ADAM33: variants seen among roughly 807,000 people sequenced by gnomAD.
ADAM33 encodes the protein ADAM metallopeptidase domain 33.
ADAM33 carries 103 observed loss-of-function variants against 106.2 expected under a neutral mutation model. That is an observed-to-expected ratio of 0.97 (90% CI 0.83 to 1.14). The LOEUF (loss-of-function observed/expected upper bound fraction) is 1.14, where lower values mean the gene tolerates loss of function less well. Among genes scored for constraint, ADAM33 ranks in the 50% most tolerant of loss-of-function variants. The pLI, the probability that ADAM33 is intolerant of heterozygous loss-of-function variation, is 0.00. For synonymous variants in ADAM33, 483 were observed against 453.0 expected (o/e 1.07, Z -0.84); for missense variants, 1,120 against 1,096.6 (o/e 1.02, Z -0.30).
At chr20:3,678,933 C>A (rs182171217) in intron 2 of ADAM33, among the ~76,000 whole-genome samples, 146 of 152,238 alleles carry the variant, frequency 9.6e-4, no homozygotes, top group African/African-American at 3.3e-3. Flanking sequence ...GCAGAGCGTC[C>A]TGCAGAAGAA....
Position 3,671,729 on chromosome 20 carries a change from A to T in ADAM33, c.1757T>A (p.Leu586His). 1 of 1,584,540 alleles carries T rather than the reference A, an allele frequency of 6.3e-7. No individual in the cohort carries two copies. The highest frequency in any genetic ancestry group is 1.2e-5 in the South Asian group (1 of 86,824). ...LQCQGGKPSL[L>H]APHMVPVDST... Reference sequence around the variant, plus strand: ...GTCCACTGGCACCATGTGCGGTGCGAGCAGGCTGGGCTTTCCACCCTGGCA... The same window carrying T: ...GTCCACTGGCACCATGTGCGGTGCGTGCAGGCTGGGCTTTCCACCCTGGCA... The change falls in exon 16 of 22, where the codon CTC becomes CAC. Residue 586 changes from leucine (L) to histidine (H), a missense_variant. Coordinates refer to ENST00000356518, the MANE Select transcript of ADAM33 (RefSeq NM_025220.5).
At position 3,671,801 on chromosome 20, in the gene ADAM33, G is replaced by T. The variant is rs370328117; in HGVS notation, c.1707-22C>A. ...ATCCCTGGGGAGGAAGTAGAGGGGG[G>T]TCAACAGCTGCAGTACCCCCCTTCC... is the stretch of plus-strand genomic sequence containing the variant. On this transcript the variant is annotated intron_variant, in intron 15 of 21. Coordinates refer to ENST00000356518, the MANE Select transcript of ADAM33 (RefSeq NM_025220.5). 58 of 1,553,390 alleles carry T rather than the reference G, an allele frequency of 3.7e-5. No homozygotes were observed. The African/African-American group carries it at 7.1e-4, about 19-fold the overall frequency.
rs779802653 is a variant in ADAM33, at chr20:3,674,874, A to C, written c.334-25T>G. Reference sequence around the variant, plus strand: ...CCTAGGGAGGAAGGGGCCAGCCCCAAATCTCAGCCAGGGCTGGAGCAAGAG... The same window carrying C: ...CCTAGGGAGGAAGGGGCCAGCCCCACATCTCAGCCAGGGCTGGAGCAAGAG... On this transcript the variant is annotated intron_variant, in intron 4 of 21. Transcript: ENST00000356518. 3.1e-6 allele frequency: 5 copies of C among 1,608,906 alleles called. 1 individual carries two copies. In the Admixed American group the frequency reaches 5.0e-5, roughly 16 times the overall value.
At position 3,672,334 on chromosome 20, in the gene ADAM33, G is replaced by A. The variant is rs186219489; in HGVS notation, c.1402-5C>T. 142 of 1,557,524 alleles carry A rather than the reference G, an allele frequency of 9.1e-5. No individual in the cohort carries two copies. The African/African-American group carries it at 2.3e-3, about 25-fold the overall frequency. ...CAGCGCTCCAGCCGGCTTCAGCTGC[G>A]CAGGTGACGGGTGGTGGGGAAGGCA... On this transcript the variant is annotated splice_region_variant and splice_polypyrimidine_tract_variant and intron_variant, in intron 13 of 21. Transcript: ENST00000356518.
chr20:3,681,427 T>G (rs1388875112), intron 1 of ADAM33, among the ~76,000 whole-genome samples: 1 of 152,168 alleles, frequency 6.6e-6, no homozygotes, highest in Non-Finnish European at 1.5e-5. Context: ...AGGCCACAGC[T>G]AGTTCTGCAG....
At position 3,671,720 on chromosome 20, in the gene ADAM33, T is replaced by TGC. The variant is rs2087546762; in HGVS notation, c.1764_1765dup (p.His589ArgfsTer12). The TGC allele has an allele frequency of 6.3e-7, 1 of 1,586,576 alleles. No individual in the cohort carries two copies. The highest frequency in any genetic ancestry group is 8.6e-7 in the Non-Finnish European group (1 of 1,166,206). Reference sequence around the variant, plus strand: ...AACGGTAGAGTCCACTGGCACCATGTGCGGTGCGAGCAGGCTGGGCTTTCC... The same window carrying TGC: ...AACGGTAGAGTCCACTGGCACCATGTGCGCGGTGCGAGCAGGCTGGGCTTTCC... On this transcript the variant is annotated frameshift_variant, in exon 16 of 22. Transcript: ENST00000356518. LOFTEE classifies it high-confidence loss of function.
Position 3,675,666 on chromosome 20 carries a change from C to T in ADAM33, c.255-561G>A, listed in dbSNP as rs1396315984. Among the ~76,000 whole-genome samples, 2 of 152,166 alleles carry T rather than the reference C, an allele frequency of 1.3e-5. No individual in the cohort carries two copies. The highest frequency in any genetic ancestry group is 4.8e-5 in the African/African-American group (2 of 41,420). ...CCTGCCTCCAGAGAAAACAGAATCG[C>T]CACCTGCCCACGCTGCTTCCACCCT... On this transcript the variant is annotated intron_variant, in intron 3 of 21. Coordinates refer to ENST00000356518, the MANE Select transcript of ADAM33 (RefSeq NM_025220.5). This position sits in a 1 kb window ranked among gnomAD's most constrained non-coding sequence, Gnocchi z 4.1.
intron 1 of ADAM33, 109 bp downstream of exon 1, chr20:3,681,799 G>T: frequency 2.1e-6 from 3 of 1,430,482 alleles, no homozygotes; most frequent in Non-Finnish European, 2.7e-6. Context: ...TATGGTGCCG[G>T]GGCCGTGAGA....
At chr20:3,681,616 G>GCTGGGGT (rs1248645564) in intron 1 of ADAM33, among the ~76,000 whole-genome samples, 2 of 152,082 alleles carry the variant, frequency 1.3e-5, no homozygotes, top group Non-Finnish European at 2.9e-5. Context: ...TGGGCTGGGG[G>GCTGGGGT]CTGGGCTGCC....
intron 1 of ADAM33, among the ~76,000 whole-genome samples, chr20:3,681,398 C>G (rs1210178592): frequency 6.6e-6 from 1 of 152,120 alleles, no homozygotes; most frequent in South Asian, 2.1e-4. Context: ...GGAGGAGGGA[C>G]GAGGGGTGAG....
At chr20:3,674,932 C>G (rs768027539) in intron 4 of ADAM33, 83 bp from the exon 5 acceptor site, 2 of 1,607,682 alleles carry the variant, frequency 1.2e-6, no homozygotes, top group Admixed American at 3.4e-5. Flanking sequence ...GGGGCTGGCT[C>G]CAACCGCCCC....
chr20:3,673,591 A>C lies in ADAM33; in HGVS notation c.973T>G (p.Ser325Ala). The change falls in exon 10 of 22, where the codon TCG (serine) becomes GCG (alanine). Residue 325 changes from serine to alanine, a missense_variant. By Grantham distance (99) the Ser-to-Ala change is moderately conservative (BLOSUM62 1). Transcript: ENST00000356518. The stretch of plus-strand genomic sequence containing the variant: ...GGGCTCACCGTGCTCACGCCTCCCG[A>C]GCTCTCGGCGCGGCACATGCCCTCG... ...PVEGMCRAES[S>A]GGVSTDHSEL... 7.3e-7 allele frequency: 1 copy of C among 1,373,952 alleles called. No homozygotes were observed. Among genetic ancestry groups the C allele is most frequent in the Non-Finnish European group, 9.3e-7 (1 of 1,070,944 alleles). The allele number at this position is 1,373,952 out of a possible 1,614,324, so 85.1% of individuals were successfully genotyped here. A position where few individuals can be genotyped will look rare whatever the true frequency, so the allele number is the denominator to read the frequency against.
rs186223143 is a variant in ADAM33 at position 3,680,815 on chromosome 20, G to A, written c.97+1093C>T. On this transcript the variant is annotated intron_variant, in intron 1 of 21. Coordinates refer to ENST00000356518, the MANE Select transcript of ADAM33 (RefSeq NM_025220.5). ...GTGGGTGCTGTCCACATGGCCTTGCGCGCACGTGCTGGCCACGGGCACCCT... is the reference window on the plus strand; with the variant it reads ...GTGGGTGCTGTCCACATGGCCTTGCACGCACGTGCTGGCCACGGGCACCCT... Among the ~76,000 whole-genome samples the A allele has an allele frequency of 3.7e-3, 564 of 152,322 alleles. 4 individuals are homozygous for A. The highest frequency in any genetic ancestry group is 5.0e-3 in the Non-Finnish European group (339 of 68,022).
chr20:3,669,389 G>C lies in ADAM33; in HGVS notation c.2333-19C>G. On this transcript the variant is annotated intron_variant, in intron 20 of 21. Coordinates refer to ENST00000356518, the MANE Select transcript of ADAM33 (RefSeq NM_025220.5). ...TCAGGGTCTGGGAGAAATGGTGGAG[G>C]GTAAATGTTGTGAATATGGTCAGCA... The C allele has an allele frequency of 6.3e-7, 1 of 1,598,132 alleles. No homozygotes were observed. Among genetic ancestry groups the C allele is most frequent in the Non-Finnish European group, 8.5e-7 (1 of 1,174,718 alleles).
intron 13 of ADAM33, 98 bp downstream of exon 13, chr20:3,672,439 C>T (rs2087603009): frequency 6.3e-7 from 1 of 1,578,024 alleles, no homozygotes; most frequent in African/African-American, 1.3e-5. Flanking sequence ...CCAAGCCCAG[C>T]ACCCAACGGG....
Position 3,674,519 on chromosome 20 carries a change from A to G in ADAM33, c.585T>C (p.Gly195=). ...GNKAGMTSLP[G]GPQSRGRREA... Reference sequence around the variant, plus strand: ...TGCCCCTGACCCTGCTCTGGGGACCACCAGGAAGGCTGGTCATGCCCGCTT... The same window carrying G: ...TGCCCCTGACCCTGCTCTGGGGACCGCCAGGAAGGCTGGTCATGCCCGCTT... Residue 195 remains glycine, a synonymous_variant, in exon 6 of 22, where the codon GGT becomes GGC. Coordinates refer to ENST00000356518, the MANE Select transcript of ADAM33 (RefSeq NM_025220.5). 1 of 1,613,322 alleles carries G rather than the reference A, an allele frequency of 6.2e-7. No individual in the cohort carries two copies. Among genetic ancestry groups the G allele is most frequent in the Non-Finnish European group, 8.5e-7 (1 of 1,179,898 alleles).
At chr20:3,680,703 A>C (rs752101930) in intron 1 of ADAM33, among the ~76,000 whole-genome samples, 5 of 152,134 alleles carry the variant, frequency 3.3e-5, no homozygotes, top group Non-Finnish European at 7.4e-5. Context: ...GTAGAGAACC[A>C]AGCTTTGCTG....
In ADAM33 at chr20:3,673,621, G is replaced by A; in HGVS notation, c.943C>T (p.Pro315Ser). The change falls in exon 10 of 22, where the codon CCC (proline) becomes TCC (serine). Residue 315 changes from proline (P) to serine (S), a missense_variant. Physicochemically the swap from Pro to Ser is moderately conservative, Grantham distance 74. Transcript: ENST00000356518. ...AFQGATVGLA[P>S]VEGMCRAESS... Reference sequence around the variant, plus strand: ...TCGGCGCGGCACATGCCCTCGACGGGCGCCAGGCCCACTGTGGCGCCCTGG... The same window carrying A: ...TCGGCGCGGCACATGCCCTCGACGGACGCCAGGCCCACTGTGGCGCCCTGG... The A allele has an allele frequency of 7.4e-7, 1 of 1,357,816 alleles. No individual in the cohort carries two copies. The highest frequency in any genetic ancestry group is 9.4e-7 in the Non-Finnish European group (1 of 1,062,600). 84.1% of individuals were successfully genotyped at this position (1,357,816 alleles called of 1,614,324 possible).
Position 3,668,914 on chromosome 20 carries a change from C to G in ADAM33, c.*49G>C. ...CCTGCAGTTCAAGTTCCTGGAGTGG[C>G]TGTCAGTGGCCACCTGTCTTTAAAT... On this transcript the variant is annotated 3_prime_UTR_variant, in exon 22 of 22. Transcript: ENST00000356518. 6.2e-7 allele frequency: 1 copy of G among 1,604,110 alleles called. No individual in the cohort carries two copies. Among genetic ancestry groups the G allele is most frequent in the Non-Finnish European group, 8.5e-7 (1 of 1,171,334 alleles).
Sources: allele counts gnomAD v4.1 joint callset (sites outside exome capture counted in the v4.1 genomes callset), GRCh38; gene constraint gnomAD v4.1.1; non-coding constraint Gnocchi (gnomAD v3.1); transcripts MANE v1.5; gene names NCBI Gene and HGNC (gene_info 2026-07-23, HGNC 2026-07-21).